The following TAB3 variants were observed in gnomAD, a reference collection of about 807,000 sequenced individuals.
TAB3 encodes TGF-beta-activated kinase 1 and MAP3K7-binding protein 3.
A neutral mutation model predicts 48.1 loss-of-function variants in TAB3; 18 were observed. The ratio of observed to expected loss-of-function variants is 0.37; its 90% CI spans 0.26 to 0.55. The LOEUF (loss-of-function observed/expected upper bound fraction) is 0.55. Among genes scored for constraint, TAB3 ranks in the 20% least tolerant of loss-of-function variants. The pLI, the probability that TAB3 is intolerant of heterozygous loss-of-function variation, is 0.78. For synonymous variants in TAB3, 185 were observed against 190.2 expected (o/e 0.97, Z 0.22); for missense variants, 414 against 549.8 (o/e 0.75, Z 2.47).
intron 9 of TAB3, among the ~76,000 whole-genome samples, chrX:30,838,314 G>A (rs895226801): frequency 9.9e-5 from 11 of 111,550 alleles, no homozygotes; most frequent in Non-Finnish European, 1.5e-4. Context: ...ATTACACCAT[G>A]TCTGGCTAAT....
intron 1 of TAB3, among the ~76,000 whole-genome samples, chrX:30,882,121 T>C (rs776163562): frequency 1.2e-4 from 13 of 111,840 alleles, no homozygotes; most frequent in African/African-American, 3.9e-4. Flanking sequence ...TGTGAAAAGT[T>C]AGAGTAACAA....
intron 1 of TAB3, among the ~76,000 whole-genome samples, chrX:30,873,041 T>TA (rs1472603208): frequency 2.7e-5 from 3 of 112,308 alleles, no homozygotes; most frequent in African/African-American, 9.7e-5. Context: ...AGAGGATTGT[T>TA]ATACATTATA....
At chrX:30,831,810 A>C (rs894872294) in intron 10 of TAB3, among the ~76,000 whole-genome samples, 2 of 112,278 alleles carry the variant, frequency 1.8e-5, no homozygotes, top group African/African-American at 6.5e-5. Context: ...ATATATGTCC[A>C]GAATAGATTG....
chrX:30,859,281 A>G (rs901496072), intron 5 of TAB3, among the ~76,000 whole-genome samples: 14 of 109,094 alleles, frequency 1.3e-4, no homozygotes, highest in African/African-American at 4.4e-4. Context: ...TAATTCTACA[A>G]TGCACAAGGC....
chrX:30,855,414 T>C lies in TAB3; in HGVS notation c.251A>G (p.Tyr84Cys). 5.0e-6 allele frequency: 6 copies of C among 1,211,353 alleles called. No individual in the cohort carries two copies. The highest frequency in any genetic ancestry group is 5.6e-6 in the Non-Finnish European group (5 of 895,303). ...INLGIHSPSS[Y>C]HPGDGAQLNG... ...AAGTTGGGCTCCATCTCCTGGGTGA[T>C]AGCTACTAGGAGAATGGATACCCAG... Residue 84 changes from tyrosine (Y) to cysteine (C), a missense_variant, in exon 6 of 11, where the codon TAT becomes TGT. Tyr to Cys is a radical substitution (Grantham distance 194, BLOSUM62 -2). Transcript: ENST00000288422.
intron 4 of TAB3, among the ~76,000 whole-genome samples, chrX:30,861,836 G>A (rs1359420076): frequency 8.9e-6 from 1 of 112,119 alleles, no homozygotes; most frequent in Non-Finnish European, 1.9e-5. Flanking sequence ...CAAAAGTATT[G>A]TTTTAAATGT....
intron 1 of TAB3, among the ~76,000 whole-genome samples, chrX:30,885,813 G>C (rs1271369728): frequency 8.9e-6 from 1 of 111,738 alleles, no homozygotes; most frequent in Non-Finnish European, 1.9e-5. Flanking sequence ...TTTCAAGAAA[G>C]AACAGGGTGG....
At chrX:30,881,074 A>G (rs765983728) in intron 1 of TAB3, among the ~76,000 whole-genome samples, 1 of 111,780 alleles carries the variant, frequency 8.9e-6, no homozygotes, top group Non-Finnish European at 1.9e-5. Context: ...ACAGTCTACA[A>G]CTACATACGA....
At chrX:30,855,872 T>C (rs1387683624) in intron 5 of TAB3, among the ~76,000 whole-genome samples, 1 of 112,234 alleles carries the variant, frequency 8.9e-6, no homozygotes, top group Non-Finnish European at 1.9e-5. Flanking sequence ...AGGACTCATT[T>C]TATACTTGTT....
At chrX:30,884,346 G>T (rs1166871541) in intron 1 of TAB3, among the ~76,000 whole-genome samples, 2 of 111,227 alleles carry the variant, frequency 1.8e-5, no homozygotes, top group Non-Finnish European at 3.8e-5. Flanking sequence ...ACATCCTCTG[G>T]CTCATTTAAT....
At chrX:30,846,153 G>T (rs921471334) in intron 8 of TAB3, 2 of 738,860 alleles carry the variant, frequency 2.7e-6, no homozygotes, top group Non-Finnish European at 3.4e-6. Context: ...AACATATATA[G>T]AGTTTATTTT....
chrX:30,837,753 T>C (rs1938284352), intron 9 of TAB3, among the ~76,000 whole-genome samples: 1 of 112,371 alleles, frequency 8.9e-6, no homozygotes, highest in Non-Finnish European at 1.9e-5. Flanking sequence ...TCCAAAAACT[T>C]TTATACCTAA....
chrX:30,833,045 A>T (rs1466650925), intron 10 of TAB3, among the ~76,000 whole-genome samples: 1 of 102,143 alleles, frequency 9.8e-6, no homozygotes, highest in Non-Finnish European at 2.0e-5. Flanking sequence ...ATCTCGGCTC[A>T]CTGCAAGCTC....
chrX:30,831,971 TATA>T (rs1423036036), intron 10 of TAB3, among the ~76,000 whole-genome samples: 2 of 112,011 alleles, frequency 1.8e-5, no homozygotes, highest in East Asian at 2.8e-4. Context: ...CTCTCTATAG[TATA>T]ATACTATCCA....
intron 9 of TAB3, among the ~76,000 whole-genome samples, chrX:30,838,331 A>AT (rs755724906): frequency 9.0e-5 from 10 of 110,583 alleles, no homozygotes; most frequent in African/African-American, 1.3e-4. Flanking sequence ...TAATTTTTAA[A>AT]TTTTTTTTTG....
At chrX:30,833,555 G>A (rs1312530589) in intron 10 of TAB3, among the ~76,000 whole-genome samples, 1 of 110,707 alleles carries the variant, frequency 9.0e-6, no homozygotes, top group Admixed American at 9.6e-5. Flanking sequence ...AATTTGGCCA[G>A]GCACGGTGGC....
At chrX:30,841,934 G>A (rs764038111) in intron 9 of TAB3, among the ~76,000 whole-genome samples, 46 of 111,919 alleles carry the variant, frequency 4.1e-4, no homozygotes, top group African/African-American at 1.4e-3. Context: ...TTAGCCACCT[G>A]AGTAGCTGGG....
Position 30,870,687 on chromosome X carries a change from CA to C in TAB3, c.-280+1011del, listed in dbSNP as rs746856162. Reference sequence around the variant, plus strand: ...ATCATCTAACCCAGTAGTTCCCAACCAGGGGTGACTTTTCCCTGCAAGGGAC... The same window carrying C: ...ATCATCTAACCCAGTAGTTCCCAACCGGGGTGACTTTTCCCTGCAAGGGAC... On this transcript the variant is annotated intron_variant, in intron 2 of 10. Transcript: ENST00000288422. Among the ~76,000 whole-genome samples, 10 of 112,454 alleles carry C rather than the reference CA, an allele frequency of 8.9e-5. No homozygotes were observed. In the East Asian group the frequency reaches 2.2e-3, roughly 25 times the overall value.
intron 1 of TAB3, among the ~76,000 whole-genome samples, chrX:30,879,037 G>A (rs1939925553): frequency 9.0e-6 from 1 of 111,170 alleles, no homozygotes; most frequent in African/African-American, 3.3e-5. Context: ...ATCTCAAGAA[G>A]TTAGAAAGAA....
Sources: gnomAD v4.1 joint callset for allele counts (sites outside exome capture counted in the v4.1 genomes callset) on GRCh38, gnomAD v4.1.1 for gene constraint, MANE v1.5 for transcripts, NCBI Gene and HGNC (gene_info 2026-07-23, HGNC 2026-07-21) for gene names.